The following ENOX1 variants were observed in gnomAD, a reference collection of about 807,000 sequenced individuals.
ENOX1 encodes candidate growth-related and time keeping constitutive hydroquinone (NADH) oxidase.
ENOX1 carries 42 observed loss-of-function variants against 82.5 expected under a neutral mutation model. That is an observed-to-expected ratio of 0.51 (90% CI 0.40 to 0.66). The LOEUF is 0.66. ENOX1 is among the 30% of genes least tolerant of loss of function. ENOX1 has a pLI of 0.00. For missense variants in ENOX1, 608 were observed against 811.6 expected, an observed-to-expected ratio of 0.75 and a Z score of 3.05; for synonymous variants, 271 against 282.2, an observed-to-expected ratio of 0.96 and a Z score of 0.40.
intron 13 of ENOX1, among the ~76,000 whole-genome samples, chr13:43,266,649 T>C (rs952984121): frequency 1.3e-5 from 2 of 152,168 alleles, no homozygotes; most frequent in African/African-American, 2.4e-5. Context: ...GCATGGGCGA[T>C]GTATGGCATA....
chr13:43,243,322 T>C lies in ENOX1; in HGVS notation c.1612-6584A>G, dbSNP rs187509358. On this transcript the variant is annotated intron_variant, in intron 14 of 16. Coordinates refer to ENST00000690772, the MANE Select transcript of ENOX1 (RefSeq NM_001347969.2). The stretch of plus-strand genomic sequence containing the variant: ...TGCTGGCGCTCAAACCCTCATTTTG[T>C]CTTTGATTCATTCTCTACTATCCCC... 2.6e-5 allele frequency among the ~76,000 whole-genome samples: 4 copies of C among 152,312 alleles called. No individual in the cohort carries two copies. The East Asian group carries it at 5.8e-4, about 22-fold the overall frequency.
intron 2 of ENOX1, among the ~76,000 whole-genome samples, chr13:43,553,243 C>A (rs2079283247): frequency 6.6e-6 from 1 of 151,244 alleles, no homozygotes; most frequent in Admixed American, 6.6e-5. Flanking sequence ...AACACCAATT[C>A]ATATGTGCTG....
chr13:43,612,731 G>A (rs1472126723), intron 2 of ENOX1, among the ~76,000 whole-genome samples: 1 of 152,136 alleles, frequency 6.6e-6, no homozygotes, highest in African/African-American at 2.4e-5. Flanking sequence ...AGATTTTCAT[G>A]ATATGGTTCC....
intron 2 of ENOX1, among the ~76,000 whole-genome samples, chr13:43,541,200 C>CTTTTTTTTTTTTTTTTTTTTTTTT (rs1555317963): frequency 6.9e-5 from 1 of 14,436 alleles, no homozygotes; most frequent in African/African-American, 1.9e-4. Context: ...TTTTTTTTTG[C>CTTTTTTTTTTTTTTTTTTTTTTTT]TAAAAATGAT....
chr13:43,494,367 C>G (rs949117709), intron 2 of ENOX1, among the ~76,000 whole-genome samples: 1 of 152,148 alleles, frequency 6.6e-6, no homozygotes, highest in African/African-American at 2.4e-5. Flanking sequence ...GCAGAGACCA[C>G]GTACATCATG....
chr13:43,313,619 C>G (rs1260094009), intron 11 of ENOX1, among the ~76,000 whole-genome samples: 1 of 152,184 alleles, frequency 6.6e-6, no homozygotes, highest in Admixed American at 6.5e-5. Context: ...ATTACACCAT[C>G]TGGTGATAAT....
chr13:43,483,955 AT>A (rs2058600898), intron 3 of ENOX1, 53 bp downstream of exon 3: 4 of 960,104 alleles, frequency 4.2e-6, no homozygotes, highest in Non-Finnish European at 3.7e-6. Context: ...CCATTAAAAA[AT>A]ATCCCTCAAA....
chr13:43,395,784 C>T (rs9525765), intron 5 of ENOX1, among the ~76,000 whole-genome samples: 43,409 of 152,086 alleles, frequency 0.29, 8,768 homozygotes, highest in African/African-American at 0.54. Flanking sequence ...CAGAATACTT[C>T]GTTTACTCAT....
intron 1 of ENOX1, among the ~76,000 whole-genome samples, chr13:43,740,187 A>T (rs1475360826): frequency 6.6e-6 from 1 of 152,156 alleles, no homozygotes; most frequent in East Asian, 1.9e-4. Flanking sequence ...TGAGGCACAG[A>T]AATGAGGCCA....
At chr13:43,596,563 T>C (rs568972089) in intron 2 of ENOX1, among the ~76,000 whole-genome samples, 3 of 152,344 alleles carry the variant, frequency 2.0e-5, no homozygotes, top group South Asian at 2.1e-4. Context: ...AAAGTCTTAA[T>C]GGAAATGGTG....
chr13:43,724,110 T>C (rs2088768954), intron 1 of ENOX1, among the ~76,000 whole-genome samples: 1 of 152,234 alleles, frequency 6.6e-6, no homozygotes, highest in African/African-American at 2.4e-5. Flanking sequence ...AATAATGTTG[T>C]GAACACCAGG....
chr13:43,266,541 T>G (rs949452432), intron 13 of ENOX1, among the ~76,000 whole-genome samples: 2 of 152,196 alleles, frequency 1.3e-5, no homozygotes, highest in East Asian at 1.9e-4. Flanking sequence ...AAAGGCTCTT[T>G]GGCTCATTTC....
At chr13:43,215,075 G>A (rs559851570) in intron 16 of ENOX1, among the ~76,000 whole-genome samples, 2 of 152,282 alleles carry the variant, frequency 1.3e-5, no homozygotes, top group East Asian at 3.9e-4. Flanking sequence ...ACATAGAAAT[G>A]TTCATTGAAT....
At chr13:43,677,715 A>G (rs938686186) in intron 1 of ENOX1, among the ~76,000 whole-genome samples, 2 of 152,182 alleles carry the variant, frequency 1.3e-5, no homozygotes, top group East Asian at 3.8e-4. Flanking sequence ...AGTTCTCACA[A>G]TGTTGTGACA....
intron 2 of ENOX1, among the ~76,000 whole-genome samples, chr13:43,657,607 C>T (rs970377601): frequency 1.3e-5 from 2 of 152,176 alleles, no homozygotes; most frequent in African/African-American, 4.8e-5. Flanking sequence ...CATGTAGCTG[C>T]TGGAGGAGGT....
At chr13:43,247,289 G>C (rs1375164600) in intron 14 of ENOX1, among the ~76,000 whole-genome samples, 1 of 152,054 alleles carries the variant, frequency 6.6e-6, no homozygotes, top group Non-Finnish European at 1.5e-5. Context: ...CTCCAACCTG[G>C]GCAACAGAGT....
chr13:43,374,419 T>C (rs903920754), intron 5 of ENOX1, among the ~76,000 whole-genome samples: 2 of 151,840 alleles, frequency 1.3e-5, no homozygotes, highest in Admixed American at 6.6e-5. Flanking sequence ...CTAATCTGTA[T>C]ATTTTTTGTA....
intron 2 of ENOX1, chr13:43,544,398 A>T (rs1300915864): frequency 3.3e-5 from 5 of 152,194 alleles, no homozygotes; most frequent in African/African-American, 1.2e-4. Flanking sequence ...ATTTTGAATT[A>T]TAATAAAATG....
At chr13:43,580,013 C>A (rs1405790199) in intron 2 of ENOX1, among the ~76,000 whole-genome samples, 1 of 151,848 alleles carries the variant, frequency 6.6e-6, no homozygotes, top group Non-Finnish European at 1.5e-5. Flanking sequence ...AGGGGTGCAC[C>A]CACATGCAAG....
Sources: allele counts gnomAD v4.1 joint callset (sites outside exome capture counted in the v4.1 genomes callset), GRCh38; gene constraint gnomAD v4.1.1; transcripts MANE v1.5; gene names NCBI Gene and HGNC (gene_info 2026-07-23, HGNC 2026-07-21).